CNTN4: variants seen among roughly 807,000 people sequenced by gnomAD.
The protein encoded by CNTN4 is contactin-4.
CNTN4 carries 77 observed loss-of-function variants against 122.5 expected under a neutral mutation model. That is an observed-to-expected ratio of 0.63 (90% confidence interval 0.52 to 0.76). The LOEUF (loss-of-function observed/expected upper bound fraction) is 0.76. Ranked by LOEUF, CNTN4 falls within the 30% of genes least tolerant of loss-of-function variation. The probability of loss-of-function intolerance (pLI) is 0.00; values close to 1 mark genes in which losing one functional copy is unlikely to be tolerated. For missense variants in CNTN4, 1,256 were observed against 1,259.1 expected (o/e 1.00, Z 0.04); for synonymous variants, 512 against 447.0 (o/e 1.15, Z -1.83).
intron 3 of CNTN4, among the ~76,000 whole-genome samples, chr3:2,473,822 G>A (rs763885397): frequency 1.9e-4 from 29 of 152,050 alleles, no homozygotes; most frequent in Non-Finnish European, 3.7e-4. Context: ...AGAGCAGCCT[G>A]ACCAATACGG....
chr3:2,907,913 A>G (rs140680368), intron 12 of CNTN4, among the ~76,000 whole-genome samples: 5 of 152,350 alleles, frequency 3.3e-5, no homozygotes, highest in African/African-American at 9.6e-5. Flanking sequence ...TGAGGTCAGT[A>G]TATTGGTAGG....
intron 2 of CNTN4, among the ~76,000 whole-genome samples, chr3:2,291,587 G>A (rs930319130): frequency 6.6e-6 from 1 of 151,932 alleles, no homozygotes; most frequent in Admixed American, 6.6e-5. Flanking sequence ...TTCACCATAG[G>A]ATAATGCTAA....
chr3:2,781,659 TTCC>T (rs2091570883), intron 6 of CNTN4, among the ~76,000 whole-genome samples: 1 of 151,476 alleles, frequency 6.6e-6, no homozygotes, highest in Non-Finnish European at 1.5e-5. Context: ...ATACATTGTA[TTCC>T]TCCAGAAAGG....
At chr3:2,576,955 G>A (rs894875199) in intron 4 of CNTN4, among the ~76,000 whole-genome samples, 8 of 152,172 alleles carry the variant, frequency 5.3e-5, no homozygotes, top group African/African-American at 1.9e-4. Flanking sequence ...AGAACTATGG[G>A]AAGTTAACCC....
rs10630939 is a variant in CNTN4 at position 3,005,887 on chromosome 3, AT to A, written c.1486+17431del. On this transcript the variant is annotated intron_variant, in intron 14 of 24. Coordinates refer to ENST00000418658, the MANE Select transcript of CNTN4 (RefSeq NM_175607.3). ...ACTCTATCTCAGCACACTGTGTAGA[AT>A]TTTTTTTTTTTTTTTGAGACGGATT... is the stretch of plus-strand genomic sequence containing the variant. Among the ~76,000 whole-genome samples, 41 of 145,368 alleles carry A rather than the reference AT, an allele frequency of 2.8e-4. 1 individual carries two copies. Among genetic ancestry groups the A allele is most frequent in the East Asian group, 4.1e-4 (2 of 4,928 alleles).
At chr3:2,883,069 T>A in intron 8 of CNTN4, 76 bp from the exon 9 acceptor site, 1 of 1,007,930 alleles carries the variant, frequency 9.9e-7, no homozygotes, top group African/African-American at 1.6e-5. Context: ...GCATTCTGCA[T>A]TAACAGAAAA....
chr3:2,114,780 G>A (rs2033224885), intron 2 of CNTN4, among the ~76,000 whole-genome samples: 1 of 152,194 alleles, frequency 6.6e-6, no homozygotes, highest in African/African-American at 2.4e-5. Flanking sequence ...GCCACTGCAA[G>A]ATTTATATGA....
intron 3 of CNTN4, among the ~76,000 whole-genome samples, chr3:2,425,804 T>C (rs1296130762): frequency 6.6e-6 from 1 of 152,206 alleles, no homozygotes; most frequent in Non-Finnish European, 1.5e-5. Flanking sequence ...GTTGGATTCC[T>C]AGGTATTTTA....
Position 2,445,998 on chromosome 3 carries a change from T to C in CNTN4, c.-89+106765T>C, listed in dbSNP as rs1267701873. 2.6e-5 allele frequency among the ~76,000 whole-genome samples: 4 copies of C among 152,324 alleles called. No individual in the cohort carries two copies. The East Asian group carries it at 7.7e-4, about 29-fold the overall frequency. On this transcript the variant is annotated intron_variant, in intron 3 of 24. Coordinates refer to ENST00000418658, the MANE Select transcript of CNTN4 (RefSeq NM_175607.3). ...TTCCTGTAGCACCTAGCAGAAACTC[T>C]ACTGTATAGAAGGTATTCAGCTAGC...
intron 6 of CNTN4, among the ~76,000 whole-genome samples, chr3:2,809,671 T>C (rs2092558148): frequency 1.3e-5 from 2 of 151,936 alleles, no homozygotes; most frequent in African/African-American, 4.8e-5. Flanking sequence ...AGAGATGAGC[T>C]CCCGTAGAGA....
At chr3:2,346,748 T>C (rs946479488) in intron 3 of CNTN4, among the ~76,000 whole-genome samples, 1 of 152,184 alleles carries the variant, frequency 6.6e-6, no homozygotes, top group Admixed American at 6.5e-5. Context: ...TCTTTCCTGC[T>C]CACTTTTAAG....
intron 3 of CNTN4, among the ~76,000 whole-genome samples, chr3:2,516,079 C>T (rs2077031714): frequency 6.6e-6 from 1 of 151,914 alleles, no homozygotes. Context: ...ATTTTTCTCT[C>T]CATTTTTATT....
chr3:2,462,489 C>T (rs2049263335), intron 3 of CNTN4, among the ~76,000 whole-genome samples: 2 of 152,048 alleles, frequency 1.3e-5, no homozygotes, highest in African/African-American at 4.8e-5. Context: ...GAGAAGTGGC[C>T]ACATTGTTAT....
At chr3:2,618,830 A>G (rs1372930071) in intron 4 of CNTN4, among the ~76,000 whole-genome samples, 2 of 152,204 alleles carry the variant, frequency 1.3e-5, no homozygotes, top group Non-Finnish European at 2.9e-5. Context: ...ACTTCTCTTA[A>G]AAATGTCAGG....
At chr3:2,837,996 T>C (rs1266433511) in intron 7 of CNTN4, among the ~76,000 whole-genome samples, 1 of 152,182 alleles carries the variant, frequency 6.6e-6, no homozygotes, top group African/African-American at 2.4e-5. Flanking sequence ...AGATAGCTCA[T>C]AAACAATTAA....
chr3:2,547,287 G>T (rs2078288462), intron 3 of CNTN4, among the ~76,000 whole-genome samples: 3 of 150,534 alleles, frequency 2.0e-5, no homozygotes, highest in Non-Finnish European at 4.4e-5. Context: ...TTTTGAGATG[G>T]GATCTCATTC....
rs376437318 is a variant in CNTN4 at position 3,046,438 on chromosome 3, A to C, written c.2811+2734A>C. On this transcript the variant is annotated intron_variant, in intron 23 of 24. Transcript: ENST00000418658. ...GACTAATAGCGGATCTCTTGGCAGA[A>C]ACTCTACAAGCCAGAAGAGAGTGGG... Among the ~76,000 whole-genome samples, 83 of 152,342 alleles carry C rather than the reference A, an allele frequency of 5.4e-4. 3 individuals are homozygous for C. In the East Asian group the frequency reaches 0.014, roughly 27 times the overall value.
intron 3 of CNTN4, among the ~76,000 whole-genome samples, chr3:2,553,768 GA>G (rs1308198978): frequency 6.6e-6 from 1 of 152,130 alleles, no homozygotes; most frequent in Non-Finnish European, 1.5e-5. Flanking sequence ...GATATATCAT[GA>G]AAAGTTACTA....
intron 3 of CNTN4, among the ~76,000 whole-genome samples, chr3:2,528,049 T>A (rs1166963645): frequency 1.3e-5 from 2 of 152,180 alleles, no homozygotes; most frequent in Non-Finnish European, 2.9e-5. Context: ...TACTTTCAAG[T>A]TGTCACTTTT....
Sources: allele counts gnomAD v4.1 joint callset (sites outside exome capture counted in the v4.1 genomes callset), GRCh38; gene constraint gnomAD v4.1.1; transcripts MANE v1.5; gene names NCBI Gene and HGNC (gene_info 2026-07-23, HGNC 2026-07-21).